The following PEAK1 variants were observed in gnomAD, a reference collection of about 807,000 sequenced individuals.
PEAK1 encodes the protein pseudopodium enriched atypical kinase 1, also known as inactive tyrosine-protein kinase PEAK1.
In PEAK1, 54 loss-of-function variants were observed where a neutral mutation model predicts 124.7. The ratio of observed to expected loss-of-function variants is 0.43; its 90% CI spans 0.35 to 0.54. The LOEUF is 0.54. PEAK1 is among the 20% of genes least tolerant of loss of function. The pLI is 0.01. For synonymous variants in PEAK1, 719 were observed against 760.0 expected (o/e 0.95, Z 0.89); for missense variants, 2,046 against 2,134.5 (o/e 0.96, Z 0.82).
chr15:77,340,574 G>T (rs1236144243), intron 2 of PEAK1, among the ~76,000 whole-genome samples: 3 of 152,128 alleles, frequency 2.0e-5, no homozygotes, highest in African/African-American at 7.2e-5. Flanking sequence ...ATGCTATTAT[G>T]AATTTGTCAA....
chr15:77,206,874 GC>G (rs1339556181), intron 6 of PEAK1, among the ~76,000 whole-genome samples: 45 of 152,170 alleles, frequency 3.0e-4, no homozygotes, highest in African/African-American at 1.0e-3. Flanking sequence ...ATACTACAAG[GC>G]TACAGTAACC....
chr15:77,299,272 T>C (rs60079927), intron 2 of PEAK1, among the ~76,000 whole-genome samples: 33,621 of 152,144 alleles, frequency 0.22, 4,201 homozygotes, highest in Middle Eastern at 0.3. Flanking sequence ...CAACTCACAA[T>C]GGCTTTTATT....
chr15:77,311,189 C>A (rs2064415056), intron 2 of PEAK1, among the ~76,000 whole-genome samples: 5 of 152,150 alleles, frequency 3.3e-5, no homozygotes. Flanking sequence ...CAAGAGGCAT[C>A]TCCCATATGA....
intron 2 of PEAK1, among the ~76,000 whole-genome samples, chr15:77,320,308 G>A (rs2153015971): frequency 1.3e-5 from 2 of 152,152 alleles, no homozygotes; most frequent in Admixed American, 1.3e-4. Context: ...TGCATATATA[G>A]CTGTCTCCCC....
At chr15:77,331,431 A>G (rs1055750727) in intron 2 of PEAK1, among the ~76,000 whole-genome samples, 4 of 151,780 alleles carry the variant, frequency 2.6e-5, no homozygotes, top group Admixed American at 6.6e-5. Flanking sequence ...TGCCTGGACA[A>G]TTTTCTATTT....
Position 77,179,661 on chromosome 15 carries a change from T to C in PEAK1, c.2266A>G (p.Ser756Gly), listed in dbSNP as rs2057119492. 1 of 1,614,036 alleles carries C rather than the reference T, an allele frequency of 6.2e-7. No individual in the cohort carries two copies. The highest frequency in any genetic ancestry group is 1.3e-5 in the African/African-American group (1 of 74,924). Residue 756 changes from serine to glycine, a missense_variant, in exon 7 of 10, where the codon AGC becomes GGC. Ser to Gly is a moderately conservative substitution (Grantham distance 56, BLOSUM62 0). Transcript: ENST00000682557. ...CTTGCTTTCTCTCTGGTGCTGCTGC[T>C]GCCCACCATCTGAGACTCCTGAGTG... ...EGTQESQMVG[S>G]SSTREKASTV...
intron 1 of PEAK1, among the ~76,000 whole-genome samples, chr15:77,410,564 G>C (rs1294611399): frequency 6.6e-6 from 1 of 152,202 alleles, no homozygotes; most frequent in African/African-American, 2.4e-5. Context: ...TCTTGAACAA[G>C]CTAAATAAAT....
intron 7 of PEAK1, among the ~76,000 whole-genome samples, chr15:77,169,939 T>G (rs978013348): frequency 6.6e-6 from 1 of 152,136 alleles, no homozygotes; most frequent in African/African-American, 2.4e-5. Flanking sequence ...ATATGTTTCA[T>G]TTGAAGTGGA....
chr15:77,153,803 A>G (rs1596375154), intron 8 of PEAK1, among the ~76,000 whole-genome samples: 2 of 152,166 alleles, frequency 1.3e-5, no homozygotes, highest in South Asian at 4.2e-4. Flanking sequence ...TTTTGAGTGA[A>G]TTTCTTAATC....
At chr15:77,379,565 A>G (rs1374540466) in intron 1 of PEAK1, among the ~76,000 whole-genome samples, 1 of 152,092 alleles carries the variant, frequency 6.6e-6, no homozygotes, top group Non-Finnish European at 1.5e-5. Context: ...CCGAAATCCA[A>G]TATATAGAGA....
chr15:77,352,210 A>C, intron 2 of PEAK1: 8 of 985,414 alleles, frequency 8.1e-6, no homozygotes, highest in African/African-American at 1.7e-5. Context: ...ACCCTGTCTC[A>C]AAAAATTATT....
In PEAK1 at chr15:77,179,982, C is replaced by T. The variant is rs772833126; in HGVS notation, c.1945G>A (p.Gly649Arg). The T allele has an allele frequency of 3.1e-6, 5 of 1,613,880 alleles. No homozygotes were observed. The highest frequency in any genetic ancestry group is 3.3e-5 in the Admixed American group (2 of 59,994). ...AIYKSFLGTS[G>R]ELSVKEKTTS... ...GTTTTTTCCTTCACTGAGAGTTCTCCACTTGTTCCCAGAAAACTTTTGTAG... is the reference window on the plus strand; with the variant it reads ...GTTTTTTCCTTCACTGAGAGTTCTCTACTTGTTCCCAGAAAACTTTTGTAG... The change falls in exon 7 of 10, where the codon GGA becomes AGA. Residue 649 changes from glycine (G) to arginine (R), a missense_variant. Gly to Arg is a moderately radical substitution (Grantham distance 125, BLOSUM62 -2). Transcript: ENST00000682557.
chr15:77,191,329 TCTC>T (rs2057822304), intron 6 of PEAK1, among the ~76,000 whole-genome samples: 1 of 152,194 alleles, frequency 6.6e-6, no homozygotes, highest in South Asian at 2.1e-4. Flanking sequence ...TTAGTTATTT[TCTC>T]CTTTTATTAA....
At chr15:77,347,200 G>T in intron 2 of PEAK1, 1 of 977,870 alleles carries the variant, frequency 1.0e-6, no homozygotes, top group Non-Finnish European at 1.2e-6. Flanking sequence ...CAGAAGATAA[G>T]ATCTCTTCAA....
intron 6 of PEAK1, among the ~76,000 whole-genome samples, chr15:77,224,138 T>G (rs1253316436): frequency 6.6e-6 from 1 of 151,826 alleles, no homozygotes; most frequent in Non-Finnish European, 1.5e-5. Context: ...TAGTAGTTTT[T>G]TTTTTTCTAC....
chr15:77,161,356 G>C (rs1394536200), intron 7 of PEAK1, among the ~76,000 whole-genome samples: 1 of 152,182 alleles, frequency 6.6e-6, no homozygotes, highest in Non-Finnish European at 1.5e-5. Context: ...GGGGAACCAA[G>C]CAAAGTGAAA....
At chr15:77,314,457 C>A (rs1597252305) in intron 2 of PEAK1, among the ~76,000 whole-genome samples, 1 of 152,026 alleles carries the variant, frequency 6.6e-6, no homozygotes, top group Non-Finnish European at 1.5e-5. Flanking sequence ...CAACCTCTGC[C>A]TCCCCGGGTT....
At chr15:77,325,089 CAAAA>C (rs1475587032) in intron 2 of PEAK1, among the ~76,000 whole-genome samples, 1 of 151,992 alleles carries the variant, frequency 6.6e-6, no homozygotes, top group Non-Finnish European at 1.5e-5. Context: ...GGAAAAGAAA[CAAAA>C]ACAAAAAAAC....
chr15:77,264,189 T>C (rs1238582977), intron 5 of PEAK1, among the ~76,000 whole-genome samples: 2 of 152,054 alleles, frequency 1.3e-5, no homozygotes, highest in Non-Finnish European at 2.9e-5. Context: ...CTTTGAAAAC[T>C]GGCACAAGAC....
Sources: allele counts gnomAD v4.1 joint callset (sites outside exome capture counted in the v4.1 genomes callset), GRCh38; gene constraint gnomAD v4.1.1; transcripts MANE v1.5; gene names NCBI Gene and HGNC (gene_info 2026-07-23, HGNC 2026-07-21).